Variants in CSGALNACT1 observed in about 807,000 individuals in gnomAD.
CSGALNACT1 encodes chondroitin sulfate N-acetylgalactosaminyltransferase 1, also known as beta4GalNAcT-1.
Under a neutral mutation model 51.0 loss-of-function variants are expected in CSGALNACT1, and 52 were observed. That is an observed-to-expected ratio of 1.02 (90% CI 0.82 to 1.29). The LOEUF (loss-of-function observed/expected upper bound fraction) is 1.29. CSGALNACT1 is among the 50% of genes most tolerant of loss of function. The pLI is 0.00. For missense variants in CSGALNACT1, 935 were observed against 679.2 expected (o/e 1.38, Z -4.19); for synonymous variants, 341 against 254.4 (o/e 1.34, Z -3.24).
chr8:19,682,518 G>A (rs564134731), exon 1 of CSGALNACT1: 12 of 395,688 alleles, frequency 3.0e-5, no homozygotes, highest in East Asian at 7.3e-5. Flanking sequence ...ACCCCTGCCC[G>A]GGGACGTATG....
At chr8:19,458,777 T>G in intron 4 of CSGALNACT1, 135 bp from the exon 4 acceptor site, 1 of 840,592 alleles carries the variant, frequency 1.2e-6, no homozygotes. Flanking sequence ...ATTCGAAAAT[T>G]CAAAATGCTC....
intron 3 of CSGALNACT1, among the ~76,000 whole-genome samples, chr8:19,541,433 T>C (rs546044236): frequency 8.6e-5 from 13 of 151,334 alleles, no homozygotes; most frequent in Admixed American, 2.6e-4. Context: ...TTTGTATTTT[T>C]AGTAGAGATG....
At chr8:19,538,681 C>T (rs746338094) in intron 3 of CSGALNACT1, among the ~76,000 whole-genome samples, 3 of 152,062 alleles carry the variant, frequency 2.0e-5, no homozygotes, top group Non-Finnish European at 4.4e-5. Flanking sequence ...AAGAAACAGC[C>T]ATGACTTATA....
intron 3 of CSGALNACT1, among the ~76,000 whole-genome samples, chr8:19,571,156 G>C (rs986452977): frequency 1.3e-5 from 2 of 152,050 alleles, no homozygotes; most frequent in Non-Finnish European, 2.9e-5. Context: ...TTTTTGTAAA[G>C]ATGAGGTTTT....
chr8:19,747,193 T>C (rs191756216), intron 1 of CSGALNACT1, among the ~76,000 whole-genome samples: 1 of 152,238 alleles, frequency 6.6e-6, no homozygotes, highest in East Asian at 1.9e-4. Context: ...GCAGTCCTGG[T>C]ACTTAGCCAG....
intron 4 of CSGALNACT1, among the ~76,000 whole-genome samples, chr8:19,483,646 C>T (rs187931605): frequency 6.6e-6 from 1 of 152,294 alleles, no homozygotes; most frequent in Admixed American, 6.5e-5. Context: ...TCCTACATGC[C>T]CCATACAACA....
chr8:19,644,274 AC>A (rs1157340133), intron 1 of CSGALNACT1, among the ~76,000 whole-genome samples: 4 of 152,174 alleles, frequency 2.6e-5, no homozygotes, highest in African/African-American at 9.6e-5. Flanking sequence ...ATTATAGGTA[AC>A]TTATTTTATT....
intron 1 of CSGALNACT1, among the ~76,000 whole-genome samples, chr8:19,666,809 A>AGAGAGAG (rs2059243232): frequency 4.0e-5 from 1 of 25,064 alleles, no homozygotes; most frequent in Non-Finnish European, 6.8e-5. Context: ...GAAAGAAAGA[A>AGAGAGAG]AGAGAGAGAG....
rs564563419 is a variant in CSGALNACT1 at position 19,448,458 on chromosome 8, C to A, written c.852-8527G>T. 3.3e-5 allele frequency among the ~76,000 whole-genome samples: 5 copies of A among 152,282 alleles called. No homozygotes were observed. In the South Asian group the frequency reaches 1.0e-3, roughly 32 times the overall value. ...CCAAGCAAATTGGGACAACTGGTCA[C>A]CCTCCCTACTGCAGGAACTTTATAG... On this transcript the variant is annotated intron_variant, in intron 5 of 9. Coordinates refer to ENST00000454498, the Ensembl canonical transcript of CSGALNACT1.
chr8:19,694,550 C>T (rs991343807), intron 1 of CSGALNACT1, among the ~76,000 whole-genome samples: 7 of 152,232 alleles, frequency 4.6e-5, no homozygotes, highest in African/African-American at 1.7e-4. Context: ...AACGCCATGG[C>T]TTTCCTAAGC....
At chr8:19,680,748 C>T (rs1042881241) in intron 1 of CSGALNACT1, among the ~76,000 whole-genome samples, 1 of 152,068 alleles carries the variant, frequency 6.6e-6, no homozygotes, top group African/African-American at 2.4e-5. Context: ...ATTTCATCAG[C>T]ACGTGAACAT....
rs558916123 is a variant in CSGALNACT1, at chr8:19,500,985, C to G, written c.634+4216G>C. 3.3e-5 allele frequency among the ~76,000 whole-genome samples: 5 copies of G among 152,158 alleles called. No homozygotes were observed. In the South Asian group the frequency reaches 1.0e-3, roughly 32 times the overall value. On this transcript the variant is annotated intron_variant, in intron 4 of 9. Coordinates refer to ENST00000454498, the Ensembl canonical transcript of CSGALNACT1. ...AGGGCAGAGGCCGGGCACGGTGGCT[C>G]ACGCCTGTAATCCCAGCACTTTGGG...
At chr8:19,727,712 T>C (rs1373035195) in intron 1 of CSGALNACT1, among the ~76,000 whole-genome samples, 1 of 152,150 alleles carries the variant, frequency 6.6e-6, no homozygotes, top group East Asian at 1.9e-4. Flanking sequence ...CCCATCAAAA[T>C]GTGTCCTCCC....
chr8:19,464,012 C>T (rs369338063), intron 4 of CSGALNACT1, among the ~76,000 whole-genome samples: 1 of 152,226 alleles, frequency 6.6e-6, no homozygotes, highest in East Asian at 1.9e-4. Context: ...AAAGGCACCA[C>T]TCCTGACTCA....
intron 3 of CSGALNACT1, among the ~76,000 whole-genome samples, chr8:19,514,068 G>A (rs760682661): frequency 2.6e-5 from 4 of 152,092 alleles, no homozygotes; most frequent in Non-Finnish European, 5.9e-5. Context: ...ACTTTCATTA[G>A]CATCTATCTA....
intron 4 of CSGALNACT1, among the ~76,000 whole-genome samples, chr8:19,503,339 A>G (rs2076738443): frequency 6.6e-6 from 1 of 152,192 alleles, no homozygotes; most frequent in Admixed American, 6.5e-5. Flanking sequence ...CTCAGAGCAA[A>G]TATACTGAGG....
chr8:19,513,404 T>TTCTCTCTCTCTCTCTC lies in CSGALNACT1; in HGVS notation c.-296-7275_-296-7274insGAGAGAGAGAGAGAGA, dbSNP rs146482632. ...CCCAGTACATTCTGTTCATAGAATT[T>TTCTCTCTCTCTCTCTC]TCTCTCTCTCACTCTCTCTCTCTCT... On this transcript the variant is annotated intron_variant, in intron 3 of 9. Coordinates refer to ENST00000454498, the Ensembl canonical transcript of CSGALNACT1. 3.4e-4 allele frequency among the ~76,000 whole-genome samples: 32 copies of TTCTCTCTCTCTCTCTC among 95,050 alleles called. 1 individual carries two copies. The highest frequency in any genetic ancestry group is 1.7e-3 in the East Asian group (3 of 1,722). 62.4% of individuals were successfully genotyped at this position (95,050 alleles called of 152,430 possible).
intron 2 of CSGALNACT1, among the ~76,000 whole-genome samples, chr8:19,592,368 T>G (rs2048002061): frequency 6.6e-6 from 1 of 152,224 alleles, no homozygotes; most frequent in African/African-American, 2.4e-5. Context: ...ATGTATACAC[T>G]TATTCTCAAA....
At chr8:19,677,785 G>T (rs1157773658) in intron 1 of CSGALNACT1, among the ~76,000 whole-genome samples, 1 of 152,280 alleles carries the variant, frequency 6.6e-6, no homozygotes, top group Non-Finnish European at 1.5e-5. Context: ...AGAGTTTCTG[G>T]ACTAGGGAAA....
Sources: gnomAD v4.1 joint callset for allele counts (sites outside exome capture counted in the v4.1 genomes callset) on GRCh38, gnomAD v4.1.1 for gene constraint, MANE v1.5 for transcripts, NCBI Gene and HGNC (gene_info 2026-07-23, HGNC 2026-07-21) for gene names.